Variants in DUSP19 observed in about 807,000 individuals in gnomAD.
DUSP19 encodes the protein dual specificity phosphatase 19.
Under a neutral mutation model 16.6 loss-of-function variants are expected in DUSP19, and 14 were observed. That is an observed-to-expected ratio of 0.84 (90% CI 0.56 to 1.32). DUSP19 has a LOEUF of 1.32. Ranked by LOEUF, DUSP19 falls within the 40% of genes most tolerant of loss-of-function variation. The pLI is 0.00. For synonymous variants in DUSP19, 81 were observed against 90.5 expected (o/e 0.90, Z 0.59); for missense variants, 258 against 255.9 (o/e 1.01, Z -0.06).
Position 183,090,122 on chromosome 2 carries a change from AT to A in DUSP19, c.426+2938del, listed in dbSNP as rs902517768. ...CAATAAAAATTCTTGAATTTTTTTCATTTTTTTTAAGAAAAGATCTCTTCAT... is the reference window on the plus strand; with the variant it reads ...CAATAAAAATTCTTGAATTTTTTTCATTTTTTTAAGAAAAGATCTCTTCAT... On this transcript the variant is annotated intron_variant, in intron 3 of 3. Coordinates refer to ENST00000354221, the MANE Select transcript of DUSP19 (RefSeq NM_080876.4). 6.6e-5 allele frequency among the ~76,000 whole-genome samples: 10 copies of A among 152,144 alleles called. No individual in the cohort carries two copies. In the East Asian group the frequency reaches 1.5e-3, roughly 23 times the overall value.
intron 1 of DUSP19, among the ~76,000 whole-genome samples, chr2:183,081,013 A>G (rs964241390): frequency 2.0e-5 from 3 of 152,140 alleles, no homozygotes; most frequent in Non-Finnish European, 4.4e-5. Flanking sequence ...ACCTCCTCAA[A>G]GCGACACAGC....
At position 183,099,232 on chromosome 2, in the gene DUSP19, C is replaced by G. The variant is rs1699842928; in HGVS notation, c.*3574C>G. The G allele has an allele frequency of 6.6e-6, 1 of 152,146 alleles. No homozygotes were observed. The highest frequency in any genetic ancestry group is 6.6e-5 in the Admixed American group (1 of 15,266). 9.4% of individuals were successfully genotyped at this position (152,146 alleles called of 1,614,324 possible). A position where few individuals can be genotyped will look rare whatever the true frequency, so the allele number is the denominator to read the frequency against. On this transcript the variant is annotated 3_prime_UTR_variant, in exon 4 of 4. Coordinates refer to ENST00000354221, the MANE Select transcript of DUSP19 (RefSeq NM_080876.4). Reference sequence around the variant, plus strand: ...ATCAGAATATCATCTTATAATCTTACAGAGTTAACCTAATGAGTCAATACC... The same window carrying G: ...ATCAGAATATCATCTTATAATCTTAGAGAGTTAACCTAATGAGTCAATACC...
chr2:183,092,607 A>T (rs1298105828), intron 3 of DUSP19, among the ~76,000 whole-genome samples: 3 of 151,166 alleles, frequency 2.0e-5, no homozygotes, highest in African/African-American at 7.3e-5. Flanking sequence ...TCCATGGGGT[A>T]TATGTACCAC....
intron 1 of DUSP19, 25 bp from the exon 2 acceptor site, chr2:183,083,483 A>G: frequency 1.3e-6 from 2 of 1,588,804 alleles, no homozygotes; most frequent in Admixed American, 1.8e-5. Flanking sequence ...TTTGTGTTCA[A>G]GGTGGTATCA....
intron 1 of DUSP19, among the ~76,000 whole-genome samples, chr2:183,083,230 T>G (rs566810630): frequency 6.6e-6 from 1 of 152,310 alleles, no homozygotes; most frequent in Admixed American, 6.5e-5. Context: ...TTCTTTTGTT[T>G]TTGTTTTGTT....
Position 183,082,836 on chromosome 2 carries a change from TCCTC to T in DUSP19, c.227-647_227-644del, listed in dbSNP as rs767449071. ...TTCGTTCGTTCGTTCGTTCCTTCCTTCCTCCCTCCCTCCCTCCCTCCCTCCCTCT... is the reference window on the plus strand; with the variant it reads ...TTCGTTCGTTCGTTCGTTCCTTCCTTCCTCCCTCCCTCCCTCCCTCCCTCT... On this transcript the variant is annotated intron_variant, in intron 1 of 3. Transcript: ENST00000354221. Among the ~76,000 whole-genome samples, 744 of 144,434 alleles carry T rather than the reference TCCTC, an allele frequency of 5.2e-3. 4 individuals are homozygous for T. The highest frequency in any genetic ancestry group is 0.017 in the Middle Eastern group (5 of 286). 94.8% of individuals were successfully genotyped at this position (144,434 alleles called of 152,430 possible).
intron 3 of DUSP19, among the ~76,000 whole-genome samples, chr2:183,091,038 T>TC (rs1699725614): frequency 6.6e-6 from 1 of 152,196 alleles, no homozygotes; most frequent in African/African-American, 2.4e-5. Context: ...CTGGCCCTAG[T>TC]CCCCTCTGTA....
intron 2 of DUSP19, among the ~76,000 whole-genome samples, chr2:183,085,863 T>G (rs983269217): frequency 2.8e-4 from 34 of 121,534 alleles, no homozygotes; most frequent in African/African-American, 8.1e-4. Context: ...TTTTTTTTTT[T>G]TTTTTTTTTT....
rs1699552961 is a variant in DUSP19, at chr2:183,078,863, G to A, written c.-71G>A. The A allele has an allele frequency of 9.2e-6, 13 of 1,411,724 alleles. No individual in the cohort carries two copies. The highest frequency in any genetic ancestry group is 7.6e-5 in the Admixed American group (4 of 52,906). The allele number at this position is 1,411,724 out of a possible 1,614,324, so 87.4% of individuals were successfully genotyped here. A position where few individuals can be genotyped will look rare whatever the true frequency, so the allele number is the denominator to read the frequency against. ...CTGGCTTTGTTACCTGGGCAATAAG[G>A]GACTAGCAGTTCAGCCGTTTTCTAT... On this transcript the variant is annotated 5_prime_UTR_variant, in exon 1 of 4. Coordinates refer to ENST00000354221, the MANE Select transcript of DUSP19 (RefSeq NM_080876.4).
intron 1 of DUSP19, among the ~76,000 whole-genome samples, chr2:183,081,667 C>T (rs958597201): frequency 6.6e-6 from 1 of 152,106 alleles, no homozygotes; most frequent in Non-Finnish European, 1.5e-5. Flanking sequence ...TAGAAAATTA[C>T]AGAAACTAAT....
rs1699834708 is a variant in DUSP19, at chr2:183,098,631, A to G, written c.*2973A>G. ...AGATTATTCTGCCATTTTTTAAAGG[A>G]AAGGGAAAATGAAAACAGCATGTCT... On this transcript the variant is annotated 3_prime_UTR_variant, in exon 4 of 4. Transcript: ENST00000354221. 6.6e-6 allele frequency: 1 copy of G among 152,220 alleles called. No homozygotes were observed. Among genetic ancestry groups the G allele is most frequent in the Non-Finnish European group, 1.5e-5 (1 of 68,040 alleles). The allele number at this position is 152,220 out of a possible 1,614,324, so 9.4% of individuals were successfully genotyped here.
intron 3 of DUSP19, among the ~76,000 whole-genome samples, chr2:183,089,936 G>C (rs1358953088): frequency 6.6e-6 from 1 of 152,034 alleles, no homozygotes; most frequent in Non-Finnish European, 1.5e-5. Flanking sequence ...ACCATGCCTG[G>C]CTAATTTTTG....
At chr2:183,085,793 C>A (rs1699651681) in intron 2 of DUSP19, among the ~76,000 whole-genome samples, 1 of 144,294 alleles carries the variant, frequency 6.9e-6, no homozygotes, top group African/African-American at 2.5e-5. Flanking sequence ...CGAGCACATC[C>A]TTCATTGTAA....
chr2:183,080,819 A>T (rs1279177300), intron 1 of DUSP19, among the ~76,000 whole-genome samples: 1 of 152,072 alleles, frequency 6.6e-6, no homozygotes, highest in Admixed American at 6.5e-5. Flanking sequence ...ATCAGGAGCA[A>T]CCTCCTCCCT....
At chr2:183,093,517 T>C (rs1699758608) in intron 3 of DUSP19, among the ~76,000 whole-genome samples, 1 of 152,152 alleles carries the variant, frequency 6.6e-6, no homozygotes, top group Non-Finnish European at 1.5e-5. Flanking sequence ...GTTTATAAAT[T>C]GTTTGTTACT....
chr2:183,094,542 A>T (rs1273461840), intron 3 of DUSP19, among the ~76,000 whole-genome samples: 1 of 152,180 alleles, frequency 6.6e-6, no homozygotes, highest in Non-Finnish European at 1.5e-5. Context: ...GTCCCATCAG[A>T]TCTATCACAT....
rs115775774 is a variant in DUSP19, at chr2:183,092,213, T to G, written c.427-3218T>G. Among the ~76,000 whole-genome samples the G allele has an allele frequency of 7.6e-3, 1,160 of 152,330 alleles. 17 individuals carry two copies. Among genetic ancestry groups the G allele is most frequent in the Middle Eastern group, 0.02 (6 of 294 alleles). ...TCATCATAGGTGGCTGTCAAGCACT[T>G]GCAGACTATCACATTATACCCAAGG... is the stretch of plus-strand genomic sequence containing the variant. On this transcript the variant is annotated intron_variant, in intron 3 of 3. Coordinates refer to ENST00000354221, the MANE Select transcript of DUSP19 (RefSeq NM_080876.4).
chr2:183,094,672 A>T (rs759446120), intron 3 of DUSP19, among the ~76,000 whole-genome samples: 1 of 152,172 alleles, frequency 6.6e-6, no homozygotes, highest in Non-Finnish European at 1.5e-5. Flanking sequence ...TCATGCTGGT[A>T]TGTGATTACC....
chr2:183,092,064 A>G (rs1371173857), intron 3 of DUSP19, among the ~76,000 whole-genome samples: 2 of 152,212 alleles, frequency 1.3e-5, no homozygotes, highest in Non-Finnish European at 2.9e-5. Flanking sequence ...GTGCCTGAAT[A>G]TAAACCAAGA....
Sources: gnomAD v4.1 joint callset for allele counts (sites outside exome capture counted in the v4.1 genomes callset) on GRCh38, gnomAD v4.1.1 for gene constraint, MANE v1.5 for transcripts, NCBI Gene and HGNC (gene_info 2026-07-23, HGNC 2026-07-21) for gene names.